TES: variants seen among roughly 807,000 people sequenced by gnomAD.
The protein encoded by TES is testin LIM domain protein, also known as testin.
In TES, 41 loss-of-function variants were observed where a neutral mutation model predicts 48.2. That is an observed-to-expected ratio of 0.85 (90% CI 0.66 to 1.10). TES has a LOEUF of 1.10. TES is among the 50% of genes least tolerant of loss of function. The pLI, the probability that TES is intolerant of heterozygous loss-of-function variation, is 0.00. For missense variants in TES, 463 were observed against 515.1 expected, an observed-to-expected ratio of 0.90 and a Z score of 0.98; for synonymous variants, 162 against 174.9, an observed-to-expected ratio of 0.93 and a Z score of 0.58.
At chr7:116,257,260 T>G in intron 6 of TES, 34 bp from the exon 7 acceptor site, 2 of 1,550,084 alleles carry the variant, frequency 1.3e-6, no homozygotes, top group Non-Finnish European at 1.7e-6. Flanking sequence ...CAGCTTGATC[T>G]CTCACCCTCT....
intron 1 of TES, among the ~76,000 whole-genome samples, chr7:116,214,615 T>A (rs780474044): frequency 6.6e-6 from 1 of 152,200 alleles, no homozygotes; most frequent in Non-Finnish European, 1.5e-5. Flanking sequence ...TGGTAGAATA[T>A]GAAAAGTCCC....
At chr7:116,254,324 C>CT (rs113717808) in intron 6 of TES, among the ~76,000 whole-genome samples, 48,873 of 151,470 alleles carry the variant, frequency 0.32, 8,147 homozygotes, top group East Asian at 0.57. Flanking sequence ...GCTTTTTTTT[C>CT]TTTTTTTAGC....
At position 116,234,555 on chromosome 7, in the gene TES, G is replaced by A. The variant is rs1413588725; in HGVS notation, c.49G>A (p.Gly17Arg). ...ACAGATGGGCTTAGGTCACGAGCAAGGATTTGGAGCCCCTTGTTTAAAATG... is the reference window on the plus strand; with the variant it reads ...ACAGATGGGCTTAGGTCACGAGCAAAGATTTGGAGCCCCTTGTTTAAAATG... Reference protein sequence around the residue: ...VKKMGLGHEQGFGAPCLKCKE... With the variant: ...VKKMGLGHEQRFGAPCLKCKE... Residue 17 changes from glycine to arginine, a missense_variant, in exon 2 of 7, where the codon GGA (glycine) becomes AGA (arginine). Transcript: ENST00000358204. The A allele has an allele frequency of 1.2e-6, 2 of 1,613,736 alleles. No homozygotes were observed. The highest frequency in any genetic ancestry group is 1.3e-5 in the African/African-American group (1 of 74,904).
chr7:116,242,657 G>A (rs967622939), intron 2 of TES, among the ~76,000 whole-genome samples: 1 of 151,932 alleles, frequency 6.6e-6, no homozygotes, highest in East Asian at 1.9e-4. Context: ...GTATTATTTG[G>A]CAATGAGATA....
chr7:116,232,096 T>G (rs2116593221), intron 1 of TES, among the ~76,000 whole-genome samples: 1 of 152,314 alleles, frequency 6.6e-6, no homozygotes, highest in East Asian at 1.9e-4. Flanking sequence ...TGCTGAACTT[T>G]CAAGTTGGAT....
chr7:116,255,232 C>T (rs1192331091), intron 6 of TES: 1 of 152,152 alleles, frequency 6.6e-6, no homozygotes. Context: ...AGCTCTTTTA[C>T]ATCCTGTGTA....
At chr7:116,232,816 G>A (rs2116594134) in intron 1 of TES, among the ~76,000 whole-genome samples, 1 of 152,314 alleles carries the variant, frequency 6.6e-6, no homozygotes, top group East Asian at 1.9e-4. Flanking sequence ...TGGCAAAGAT[G>A]ATAAAGCTTA....
chr7:116,217,785 T>A (rs749602099), intron 1 of TES: 1 of 518,422 alleles, frequency 1.9e-6, no homozygotes, highest in Non-Finnish European at 3.9e-6. Context: ...GAGGTTATGC[T>A]TTTCAACTGC....
intron 1 of TES, among the ~76,000 whole-genome samples, chr7:116,232,019 G>A (rs536141119): frequency 1.3e-5 from 2 of 152,326 alleles, no homozygotes; most frequent in Non-Finnish European, 2.9e-5. Context: ...GACTTTGTAA[G>A]TCAGTAGCGA....
intron 4 of TES, chr7:116,251,551 C>A (rs998546140): frequency 9.7e-6 from 5 of 514,558 alleles, no homozygotes; most frequent in Admixed American, 9.5e-5. Flanking sequence ...GGCGTGGTGG[C>A]AGGCGCCTGT....
chr7:116,251,809 A>T lies in TES; in HGVS notation c.752A>T (p.Tyr251Phe). The T allele has an allele frequency of 3.1e-6, 5 of 1,614,232 alleles. No homozygotes were observed. The South Asian group carries it at 5.5e-5, about 18-fold the overall frequency. Residue 251 changes from tyrosine (Y) to phenylalanine (F), a missense_variant, in exon 5 of 7, where the codon TAT becomes TTT. Transcript: ENST00000358204. ...LSMKEGDPAIYAERAGYDKLW... is the reference protein window; with the variant it reads ...LSMKEGDPAIFAERAGYDKLW... ...ATGAAAGAAGGTGACCCAGCCATCT[A>T]TGCCGAAAGGGCTGGCTATGATAAA...
In TES at chr7:116,249,183, A is replaced by G; in HGVS notation, c.277A>G (p.Ile93Val). 1 of 1,614,110 alleles carries G rather than the reference A, an allele frequency of 6.2e-7. No individual in the cohort carries two copies. Among genetic ancestry groups the G allele is most frequent in the Non-Finnish European group, 8.5e-7 (1 of 1,179,982 alleles). ...TCCCATGTATAAACGCAATGTTATG[A>G]TATTGACGAATCCAGTTGCTGCCAA... Reference protein sequence around the residue: ...GIPMYKRNVMILTNPVAAKKN... With the variant: ...GIPMYKRNVMVLTNPVAAKKN... The change falls in exon 3 of 7, where the codon ATA (isoleucine) becomes GTA (valine). Residue 93 changes from isoleucine (I) to valine (V), a missense_variant. Physicochemically the swap from Ile to Val is conservative, Grantham distance 29. Coordinates refer to ENST00000358204, the MANE Select transcript of TES (RefSeq NM_015641.4).
chr7:116,249,740 A>G (rs912695555), intron 3 of TES: 7 of 163,248 alleles, frequency 4.3e-5, no homozygotes, highest in Non-Finnish European at 6.6e-5. Flanking sequence ...TAACAACCAA[A>G]TGAAACATTT....
intron 2 of TES, chr7:116,238,158 G>C (rs1435013719): frequency 2.6e-5 from 4 of 152,144 alleles, no homozygotes; most frequent in Admixed American, 6.5e-5. Context: ...TCATCACTCT[G>C]ATTTTCTGCT....
intron 1 of TES, among the ~76,000 whole-genome samples, chr7:116,221,302 T>C (rs976194534): frequency 3.9e-5 from 6 of 152,158 alleles, no homozygotes; most frequent in African/African-American, 1.4e-4. Context: ...TATATTAGGT[T>C]CCCTGAGAAA....
chr7:116,223,087 T>C (rs1584611759), intron 1 of TES: 1 of 767,786 alleles, frequency 1.3e-6, no homozygotes, highest in Non-Finnish European at 1.6e-6. Flanking sequence ...TAGCAGTCCG[T>C]TTGAAAAATG....
rs541170718 is a variant in TES at position 116,223,028 on chromosome 7, T to C, written c.28-11506T>C. 4.1e-6 allele frequency: 4 copies of C among 982,612 alleles called. No individual in the cohort carries two copies. In the Admixed American group the frequency reaches 2.5e-4, roughly 60 times the overall value. The allele number at this position is 982,612 out of a possible 1,614,324, so 60.9% of individuals were successfully genotyped here. ...GTCCACAGAAGAGGTATTCTATTGG[T>C]AAGCATTTCAAATGACTTCCTTCAT... On this transcript the variant is annotated intron_variant, in intron 1 of 6. Coordinates refer to ENST00000358204, the MANE Select transcript of TES (RefSeq NM_015641.4).
intron 1 of TES, among the ~76,000 whole-genome samples, chr7:116,231,603 T>C (rs1799701138): frequency 6.6e-6 from 1 of 152,140 alleles, no homozygotes; most frequent in African/African-American, 2.4e-5. Flanking sequence ...ATTTTCTGAT[T>C]GGTGATTAGT....
intron 1 of TES, among the ~76,000 whole-genome samples, chr7:116,212,883 A>G (rs768294079): frequency 1.5e-4 from 23 of 152,206 alleles, no homozygotes; most frequent in Non-Finnish European, 2.8e-4. Context: ...AAAGAATTCC[A>G]TAAATTAAAG....
Sources: allele counts gnomAD v4.1 joint callset (sites outside exome capture counted in the v4.1 genomes callset), GRCh38; gene constraint gnomAD v4.1.1; transcripts MANE v1.5; gene names NCBI Gene and HGNC (gene_info 2026-07-23, HGNC 2026-07-21).